The following SGCZ variants were observed in gnomAD, a reference collection of about 807,000 sequenced individuals.
SGCZ encodes sarcoglycan zeta, also known as zeta-sarcoglycan.
Under a neutral mutation model 41.3 loss-of-function variants are expected in SGCZ, and 40 were observed. The ratio of observed to expected loss-of-function variants is 0.97; its 90% CI spans 0.75 to 1.26. The LOEUF (loss-of-function observed/expected upper bound fraction) is 1.26, where lower values mean the gene tolerates loss of function less well. Among genes scored for constraint, SGCZ ranks in the 50% most tolerant of loss-of-function variants. The pLI, the probability that SGCZ is intolerant of heterozygous loss-of-function variation, is 0.00. For missense variants in SGCZ, 552 were observed against 369.8 expected (o/e 1.49, Z -4.04); for synonymous variants, 206 against 137.5 (o/e 1.50, Z -3.49).
chr8:14,486,398 A>G (rs1801676204), intron 2 of SGCZ, among the ~76,000 whole-genome samples: 1 of 152,196 alleles, frequency 6.6e-6, no homozygotes, highest in Non-Finnish European at 1.5e-5. Flanking sequence ...ACTGTTACTC[A>G]AGAGAGAAAT....
At chr8:14,779,999 A>G (rs1800535584) in intron 1 of SGCZ, among the ~76,000 whole-genome samples, 1 of 152,222 alleles carries the variant, frequency 6.6e-6, no homozygotes, top group Non-Finnish European at 1.5e-5. Context: ...AATAATTGTC[A>G]TTCTACAGTC....
At chr8:14,593,430 GTAACAGAATAGA>G (rs1805303653) in intron 1 of SGCZ, among the ~76,000 whole-genome samples, 3 of 152,152 alleles carry the variant, frequency 2.0e-5, no homozygotes. Context: ...CTCCAGAACG[GTAACAGAATAGA>G]TCTGTTTTAA....
chr8:15,203,331 C>A (rs1330008541), intron 1 of SGCZ, among the ~76,000 whole-genome samples: 1 of 152,056 alleles, frequency 6.6e-6, no homozygotes, highest in East Asian at 1.9e-4. Flanking sequence ...ATAACAAAAT[C>A]GACAGTAGTG....
intron 2 of SGCZ, among the ~76,000 whole-genome samples, chr8:14,498,011 A>C (rs1802041961): frequency 6.6e-6 from 1 of 152,166 alleles, no homozygotes; most frequent in Non-Finnish European, 1.5e-5. Flanking sequence ...TTTTCTAAGC[A>C]AGTGGTGAAG....
chr8:14,851,270 G>C (rs1270612042), intron 1 of SGCZ, among the ~76,000 whole-genome samples: 2 of 146,674 alleles, frequency 1.4e-5, no homozygotes, highest in Admixed American at 7.1e-5. Flanking sequence ...TTGGGAGGCT[G>C]AGGTAGGAGA....
chr8:15,170,604 T>C (rs953042286), intron 1 of SGCZ, among the ~76,000 whole-genome samples: 7 of 152,246 alleles, frequency 4.6e-5, no homozygotes, highest in African/African-American at 7.2e-5. Context: ...AGATCATGTG[T>C]CCCTGGAATC....
chr8:15,052,031 G>A (rs369005826), intron 1 of SGCZ, among the ~76,000 whole-genome samples: 3 of 152,122 alleles, frequency 2.0e-5, no homozygotes, highest in African/African-American at 7.2e-5. Flanking sequence ...AAGCTTGGAT[G>A]GTGAAGGGAA....
chr8:14,857,799 G>C (rs1430958023), intron 1 of SGCZ, among the ~76,000 whole-genome samples: 3 of 152,148 alleles, frequency 2.0e-5, no homozygotes, highest in African/African-American at 7.2e-5. Flanking sequence ...CCAGGAGGTG[G>C]AGGTAGCAGT....
intron 2 of SGCZ, among the ~76,000 whole-genome samples, chr8:14,461,415 T>A (rs988618296): frequency 2.0e-5 from 3 of 152,112 alleles, no homozygotes; most frequent in African/African-American, 7.2e-5. Context: ...GTGTAATTTC[T>A]TTCACAGTTA....
intron 2 of SGCZ, among the ~76,000 whole-genome samples, chr8:14,385,276 A>G (rs1257894886): frequency 6.6e-6 from 1 of 152,184 alleles, no homozygotes; most frequent in Non-Finnish European, 1.5e-5. Flanking sequence ...AATCCTCCCA[A>G]GTAGACCAAG....
chr8:14,500,527 C>T (rs1362404236), intron 2 of SGCZ, among the ~76,000 whole-genome samples: 1 of 151,334 alleles, frequency 6.6e-6, no homozygotes, highest in African/African-American at 2.4e-5. Context: ...CTGCAAATAA[C>T]AATTTTTTCA....
chr8:14,788,857 C>A (rs186308219), intron 1 of SGCZ, among the ~76,000 whole-genome samples: 1 of 152,044 alleles, frequency 6.6e-6, no homozygotes, highest in South Asian at 2.1e-4. Context: ...ACACCTGTAA[C>A]CCCAGTGCTT....
chr8:15,227,575 T>C (rs1445692665), intron 1 of SGCZ, among the ~76,000 whole-genome samples: 2 of 152,244 alleles, frequency 1.3e-5, no homozygotes, highest in Non-Finnish European at 2.9e-5. Context: ...TTTGATTTAT[T>C]TGGAGTCATT....
chr8:14,812,908 G>A (rs1801777908), intron 1 of SGCZ, among the ~76,000 whole-genome samples: 1 of 152,034 alleles, frequency 6.6e-6, no homozygotes, highest in Non-Finnish European at 1.5e-5. Context: ...TTCCTTTGAG[G>A]ATATTCCCTA....
intron 1 of SGCZ, among the ~76,000 whole-genome samples, chr8:15,204,339 C>T (rs1053112999): frequency 1.3e-5 from 2 of 152,024 alleles, no homozygotes; most frequent in African/African-American, 4.8e-5. Context: ...TTTTGACAAC[C>T]GTGTGTAGAA....
intron 1 of SGCZ, among the ~76,000 whole-genome samples, chr8:14,704,803 C>G (rs989022714): frequency 1.3e-5 from 2 of 151,708 alleles, no homozygotes; most frequent in African/African-American, 2.4e-5. Context: ...AAAAAACAAA[C>G]AACAACAACA....
intron 1 of SGCZ, among the ~76,000 whole-genome samples, chr8:15,073,239 G>C (rs1805418373): frequency 6.6e-6 from 1 of 152,108 alleles, no homozygotes; most frequent in Non-Finnish European, 1.5e-5. Context: ...CTTTTATACT[G>C]TTTTAATAAT....
chr8:14,396,889 C>G (rs1337854115), intron 2 of SGCZ, among the ~76,000 whole-genome samples: 1 of 151,952 alleles, frequency 6.6e-6, no homozygotes. Context: ...GACAGAGGAC[C>G]AGATTGGCTT....
intron 1 of SGCZ, among the ~76,000 whole-genome samples, chr8:14,751,048 C>A (rs1392958556): frequency 6.6e-6 from 1 of 152,142 alleles, no homozygotes; most frequent in African/African-American, 2.4e-5. Flanking sequence ...ATCATATGTA[C>A]AACTCTTTTT....
Sources: gnomAD v4.1 joint callset for allele counts (sites outside exome capture counted in the v4.1 genomes callset) on GRCh38, gnomAD v4.1.1 for gene constraint, MANE v1.5 for transcripts, NCBI Gene and HGNC (gene_info 2026-07-23, HGNC 2026-07-21) for gene names.